CDHR3: variants seen among roughly 807,000 people sequenced by gnomAD.
CDHR3 encodes the protein cadherin related family member 3, also known as cadherin-related family member 3.
CDHR3 carries 79 observed loss-of-function variants against 86.6 expected under a neutral mutation model. The ratio of observed to expected loss-of-function variants is 0.91; its 90% CI spans 0.76 to 1.10. The LOEUF is 1.10. Among genes scored for constraint, CDHR3 ranks in the 50% least tolerant of loss-of-function variants. CDHR3 has a pLI of 0.00. For synonymous variants in CDHR3, 421 were observed against 402.4 expected (o/e 1.05, Z -0.55); for missense variants, 1,081 against 1,077.6 (o/e 1.00, Z -0.04).
chr7:106,020,521 C>A lies in CDHR3; in HGVS notation c.1802C>A (p.Ser601Tyr). The A allele has an allele frequency of 1.2e-6, 2 of 1,613,818 alleles. No homozygotes were observed. Among genetic ancestry groups the A allele is most frequent in the Non-Finnish European group, 1.7e-6 (2 of 1,179,764 alleles). Reference protein sequence around the residue: ...TCTDLDSSPRSFRYSIGPGNV... With the variant: ...TCTDLDSSPRYFRYSIGPGNV... ...ACCGACCTTGATTCCAGCCCCAGAT[C>A]TTTCCGTTATTCCATTGGCCCAGGT... Residue 601 changes from serine (S) to tyrosine (Y), a missense_variant, in exon 13 of 19, where the codon TCT becomes TAT. Coordinates refer to ENST00000317716, the MANE Select transcript of CDHR3 (RefSeq NM_152750.5).
intron 4 of CDHR3, among the ~76,000 whole-genome samples, chr7:105,993,853 C>T (rs941732580): frequency 2.6e-5 from 4 of 152,260 alleles, no homozygotes; most frequent in East Asian, 3.9e-4. Flanking sequence ...TCACCCTCAG[C>T]GGGCTGTACA....
chr7:106,031,689 T>C (rs1435056403), intron 18 of CDHR3, among the ~76,000 whole-genome samples: 1 of 152,038 alleles, frequency 6.6e-6, no homozygotes, highest in Non-Finnish European at 1.5e-5. Context: ...ACTCATGCTG[T>C]ATGGAAAAGA....
chr7:105,999,933 CAG>C, intron 6 of CDHR3, among the ~76,000 whole-genome samples: 1 of 152,178 alleles, frequency 6.6e-6, no homozygotes, highest in East Asian at 1.9e-4. Context: ...TGGAAGTTAA[CAG>C]AACCCGCTCA....
At chr7:105,978,148 T>C (rs77447334) in intron 2 of CDHR3, among the ~76,000 whole-genome samples, 2,612 of 152,228 alleles carry the variant, frequency 0.017, 30 homozygotes, top group Middle Eastern at 0.031. Flanking sequence ...CCCCAAGAAT[T>C]ATTGTTCATA....
Position 106,024,436 on chromosome 7 carries a change from A to G in CDHR3, c.2132A>G (p.Tyr711Cys), listed in dbSNP as rs1265565526. 5 of 1,613,918 alleles carry G rather than the reference A, an allele frequency of 3.1e-6. No individual in the cohort carries two copies. The highest frequency in any genetic ancestry group is 4.2e-6 in the Non-Finnish European group (5 of 1,179,898). Reference sequence around the variant, plus strand: ...AACGTTTACTCTCCATCTGCATGGTACGTGCCGTTTGTCATCACTTTGGGC... The same window carrying G: ...AACGTTTACTCTCCATCTGCATGGTGCGTGCCGTTTGTCATCACTTTGGGC... ...RKNVYSPSAW[Y>C]VPFVITLGSI... The change falls in exon 15 of 19, where the codon TAC (tyrosine) becomes TGC (cysteine). Residue 711 changes from tyrosine (Y) to cysteine (C), a missense_variant. Coordinates refer to ENST00000317716, the MANE Select transcript of CDHR3 (RefSeq NM_152750.5).
At chr7:105,975,126 GT>G (rs1828599448) in intron 2 of CDHR3, 80 bp downstream of exon 2, 4 of 1,169,224 alleles carry the variant, frequency 3.4e-6, no homozygotes, top group Non-Finnish European at 5.1e-6. Context: ...TGCCAGATCA[GT>G]GATTAATTCC....
intron 7 of CDHR3, among the ~76,000 whole-genome samples, chr7:106,004,016 GA>G (rs1342188316): frequency 2.4e-5 from 3 of 124,412 alleles, no homozygotes; most frequent in African/African-American, 3.0e-5. Context: ...AAAAAAGAAA[GA>G]AAAAAAAGGC....
chr7:105,993,503 C>G (rs1831678077), intron 4 of CDHR3, among the ~76,000 whole-genome samples: 1 of 145,442 alleles, frequency 6.9e-6, no homozygotes, highest in Non-Finnish European at 1.5e-5. Context: ...AACCCTGTCT[C>G]TACAAAAAAA....
At chr7:106,012,796 A>T (rs570047658) in intron 8 of CDHR3, 64 bp from the exon 9 acceptor site, 1 of 1,511,880 alleles carries the variant, frequency 6.6e-7, no homozygotes, top group East Asian at 2.3e-5. Context: ...CCCAGGGCCC[A>T]TGTGAGAAGG....
chr7:105,986,865 C>T (rs578050463), intron 4 of CDHR3, among the ~76,000 whole-genome samples: 3 of 152,148 alleles, frequency 2.0e-5, no homozygotes, highest in African/African-American at 7.2e-5. Context: ...CTTCCTGCTT[C>T]TGAGAAGGTT....
At chr7:105,987,631 G>T (rs1744902002) in intron 4 of CDHR3, among the ~76,000 whole-genome samples, 1 of 152,120 alleles carries the variant, frequency 6.6e-6, no homozygotes, top group African/African-American at 2.4e-5. Context: ...AAAGAACACG[G>T]ATGTCTGTGT....
intron 2 of CDHR3, among the ~76,000 whole-genome samples, chr7:105,975,814 A>G (rs909819134): frequency 2.0e-5 from 3 of 152,142 alleles, no homozygotes; most frequent in African/African-American, 7.2e-5. Flanking sequence ...TGCTGTTATC[A>G]TCAGCTCTGC....
rs773784444 is a variant in CDHR3, at chr7:105,996,304, G to A, written c.663G>A (p.Glu221=). Residue 221 remains glutamate, a synonymous_variant, in exon 6 of 19, where the codon GAG becomes GAA. Transcript: ENST00000317716. ...GTGGAGGCCTCAAAGCCTCCACAGA[G>A]CTCCAGGTGAACATCGTGAACCTCA... ...RDSGGLKAST[E]LQVNIVNLND... is the part of the protein sequence containing the mutation. 3.1e-6 allele frequency: 5 copies of A among 1,600,950 alleles called. No homozygotes were observed. Among genetic ancestry groups the A allele is most frequent in the Non-Finnish European group, 4.3e-6 (5 of 1,169,634 alleles).
intron 6 of CDHR3, among the ~76,000 whole-genome samples, chr7:106,000,063 T>C (rs1832899372): frequency 6.6e-6 from 1 of 152,274 alleles, no homozygotes; most frequent in African/African-American, 2.4e-5. Flanking sequence ...GCTCTGGTTT[T>C]GGCTCCTGCC....
Position 106,026,761 on chromosome 7 carries a change from G to GT in CDHR3, c.2272+68dup, listed in dbSNP as rs1398985842. ...TTGCTCTGTTGTGCTACGTAAAAAG[G>GT]TTCCTACTCGGCAAAGAATCAGGCC... On this transcript the variant is annotated intron_variant, in intron 16 of 18. Transcript: ENST00000317716. 64 of 1,535,216 alleles carry GT rather than the reference G, an allele frequency of 4.2e-5. No individual in the cohort carries two copies. The African/African-American group carries it at 8.3e-4, about 20-fold the overall frequency.
At chr7:105,989,114 G>A (rs1466133953) in intron 4 of CDHR3, among the ~76,000 whole-genome samples, 1 of 152,120 alleles carries the variant, frequency 6.6e-6, no homozygotes, top group African/African-American at 2.4e-5. Flanking sequence ...GTAGAGCCGG[G>A]GCTTGGCTTG....
chr7:105,976,982 CTT>C lies in CDHR3; in HGVS notation c.249+1953_249+1954del, dbSNP rs11334460. The stretch of plus-strand genomic sequence containing the variant: ...CAAGGCACATTCACATACCTGATCT[CTT>C]TTTTTTTTTTTTTTTTGAGATGGGG... On this transcript the variant is annotated intron_variant, in intron 2 of 18. Transcript: ENST00000317716. 2.4e-3 allele frequency among the ~76,000 whole-genome samples: 304 copies of C among 128,386 alleles called. 1 individual carries two copies. Among genetic ancestry groups the C allele is most frequent in the African/African-American group, 6.9e-3 (234 of 33,962 alleles). The allele number at this position is 128,386 out of a possible 152,430, so 84.2% of individuals were successfully genotyped here.
In CDHR3 at chr7:105,988,122, C is replaced by A. The variant is rs551037308; in HGVS notation, c.513+3833C>A. 2.2e-4 allele frequency among the ~76,000 whole-genome samples: 34 copies of A among 152,302 alleles called. No individual in the cohort carries two copies. In the South Asian group the frequency reaches 6.8e-3, roughly 31 times the overall value. On this transcript the variant is annotated intron_variant, in intron 4 of 18. Transcript: ENST00000317716. Reference sequence around the variant, plus strand: ...CAGGCTGGTCTCAAACTCTTGGGGTCAAGCCATCCACCTGCCTTGGCCTCC... The same window carrying A: ...CAGGCTGGTCTCAAACTCTTGGGGTAAAGCCATCCACCTGCCTTGGCCTCC...
chr7:105,964,285 G>T (rs1826522011), intron 1 of CDHR3, among the ~76,000 whole-genome samples: 1 of 151,932 alleles, frequency 6.6e-6, no homozygotes, highest in South Asian at 2.1e-4. Context: ...TTTGTAAATG[G>T]AATCTCTTCT....
Sources: allele counts gnomAD v4.1 joint callset (sites outside exome capture counted in the v4.1 genomes callset), GRCh38; gene constraint gnomAD v4.1.1; transcripts MANE v1.5; gene names NCBI Gene and HGNC (gene_info 2026-07-23, HGNC 2026-07-21).